TTLL5: variants seen among roughly 807,000 people sequenced by gnomAD.
TTLL5 encodes the protein tubulin polyglutamylase TTLL5.
TTLL5 carries 132 observed loss-of-function variants against 168.4 expected under a neutral mutation model. The observed-to-expected ratio is 0.78, with a 90% CI of 0.68 to 0.91. TTLL5 has a LOEUF of 0.91. Among genes scored for constraint, TTLL5 ranks in the 40% least tolerant of loss-of-function variants. TTLL5 has a pLI of 0.00. For missense variants in TTLL5, 1,545 were observed against 1,581.5 expected (o/e 0.98, Z 0.39); for synonymous variants, 546 against 558.6 (o/e 0.98, Z 0.32).
chr14:75,667,470 G>T (rs937950699), intron 2 of TTLL5, among the ~76,000 whole-genome samples: 6 of 152,178 alleles, frequency 3.9e-5, no homozygotes, highest in Non-Finnish European at 8.8e-5. Context: ...TTTTACAGGT[G>T]TTAAAGATGA....
rs1890962878 is a variant in TTLL5 at position 75,766,150 on chromosome 14, A to G, written c.1797A>G (p.Glu599=). Residue 599 remains glutamate (E), a synonymous_variant, in exon 20 of 32, where the codon GAA becomes GAG. Transcript: ENST00000298832. ...EEVALDNEDE[E]QEASQEESAG... ...TCGCATTAGATAATGAAGATGAAGA[A>G]CAGGAGGCTTCCCAGGAGGAGTCTG... 1 of 1,613,976 alleles carries G rather than the reference A, an allele frequency of 6.2e-7. No homozygotes were observed. The highest frequency in any genetic ancestry group is 8.5e-7 in the Non-Finnish European group (1 of 1,180,008).
intron 9 of TTLL5, chr14:75,709,105 A>C: frequency 1.4e-6 from 1 of 706,786 alleles, no homozygotes. Context: ...ATAGCAGTTT[A>C]GGAGGTGATT....
chr14:75,889,882 AGGGAGGAG>A (rs2032312638), intron 30 of TTLL5, among the ~76,000 whole-genome samples: 1 of 105,364 alleles, frequency 9.5e-6, no homozygotes, highest in Non-Finnish European at 1.8e-5. Context: ...GGAGGGAGGG[AGGGAGGAG>A]GTCAGGCAAA....
At chr14:75,705,893 T>G (rs1264453204) in intron 7 of TTLL5, among the ~76,000 whole-genome samples, 2 of 152,176 alleles carry the variant, frequency 1.3e-5, no homozygotes, top group Non-Finnish European at 2.9e-5. Context: ...TCTTGCTGTT[T>G]CCTTAATCTA....
intron 31 of TTLL5, among the ~76,000 whole-genome samples, chr14:75,915,121 A>G (rs1016843546): frequency 3.3e-5 from 5 of 151,920 alleles, no homozygotes; most frequent in African/African-American, 9.7e-5. Context: ...CCTCTACATC[A>G]CCTAACTAAC....
chr14:75,805,332 A>T (rs1893586339), intron 27 of TTLL5, among the ~76,000 whole-genome samples: 1 of 152,202 alleles, frequency 6.6e-6, no homozygotes, highest in African/African-American at 2.4e-5. Context: ...TTTCAGAGCC[A>T]CTGGCATATA....
intron 27 of TTLL5, among the ~76,000 whole-genome samples, chr14:75,809,287 C>T (rs1346296124): frequency 6.6e-6 from 1 of 152,126 alleles, no homozygotes; most frequent in African/African-American, 2.4e-5. Context: ...TTAAGATCCC[C>T]TGAAAGTGTT....
intron 6 of TTLL5, among the ~76,000 whole-genome samples, chr14:75,695,090 T>C (rs1885744650): frequency 6.6e-6 from 1 of 152,224 alleles, no homozygotes. Flanking sequence ...CATATTTCTC[T>C]TCTTACAAAA....
intron 27 of TTLL5, among the ~76,000 whole-genome samples, chr14:75,805,296 A>G (rs924978466): frequency 6.6e-6 from 1 of 152,208 alleles, no homozygotes; most frequent in African/African-American, 2.4e-5. Flanking sequence ...CTCTCCCTGA[A>G]AACTAGATTC....
At chr14:75,904,222 GAA>G in intron 31 of TTLL5, 3 of 1,170,904 alleles carry the variant, frequency 2.6e-6, no homozygotes, top group Non-Finnish European at 3.2e-6. Flanking sequence ...AAAAAGGAAA[GAA>G]AAAAAGAATT....
At chr14:75,711,947 C>G (rs533519222) in intron 9 of TTLL5, 1 of 152,464 alleles carries the variant, frequency 6.6e-6, no homozygotes, top group African/African-American at 2.4e-5. Flanking sequence ...GCCACAGCAG[C>G]AAGTAGGGGG....
chr14:75,704,329 A>C (rs1351433767), intron 7 of TTLL5, among the ~76,000 whole-genome samples: 1 of 152,200 alleles, frequency 6.6e-6, no homozygotes, highest in Non-Finnish European at 1.5e-5. Context: ...ACTTGAGGCC[A>C]GGAGTTTGAG....
rs116806455 is a variant in TTLL5 at position 75,764,297 on chromosome 14, A to G, written c.1551-318A>G. 7.3e-3 allele frequency among the ~76,000 whole-genome samples: 1,116 copies of G among 152,328 alleles called. 10 individuals are homozygous for G. The highest frequency in any genetic ancestry group is 0.014 in the Middle Eastern group (4 of 294). ...AAGATATTGTCGTTTTTAAGGTATA[A>G]AGTATTTTAAGGTATAAGGTGTTGG... On this transcript the variant is annotated intron_variant, in intron 18 of 31. Coordinates refer to ENST00000298832, the MANE Select transcript of TTLL5 (RefSeq NM_015072.5).
At chr14:75,864,320 A>G (rs754043586) in intron 29 of TTLL5, among the ~76,000 whole-genome samples, 1 of 152,178 alleles carries the variant, frequency 6.6e-6, no homozygotes, top group African/African-American at 2.4e-5. Context: ...ATAAGTTGCA[A>G]GTTCTTCTGG....
intron 1 of TTLL5, among the ~76,000 whole-genome samples, chr14:75,662,668 T>G (rs992061141): frequency 6.6e-6 from 1 of 152,138 alleles, no homozygotes; most frequent in Admixed American, 6.5e-5. Context: ...GAGTTTTTAT[T>G]TATTTATTTT....
At chr14:75,775,411 C>G (rs1461678052) in intron 21 of TTLL5, 73 bp from the exon 22 acceptor site, 3 of 1,514,644 alleles carry the variant, frequency 2.0e-6, no homozygotes, top group African/African-American at 1.4e-5. Flanking sequence ...TTATATAATG[C>G]CTTCATAGCT....
At chr14:75,891,134 A>G (rs765522291) in intron 30 of TTLL5, among the ~76,000 whole-genome samples, 1 of 152,162 alleles carries the variant, frequency 6.6e-6, no homozygotes, top group Non-Finnish European at 1.5e-5. Context: ...TGCCTTCTTC[A>G]TACTCTATCA....
intron 24 of TTLL5, among the ~76,000 whole-genome samples, chr14:75,782,059 C>T (rs894587875): frequency 1.3e-5 from 2 of 151,514 alleles, no homozygotes; most frequent in Admixed American, 6.6e-5. Flanking sequence ...CTTGCTGTCT[C>T]GGGGTAGCTT....
intron 3 of TTLL5, among the ~76,000 whole-genome samples, chr14:75,678,332 C>T (rs1227702567): frequency 6.6e-6 from 1 of 152,210 alleles, no homozygotes; most frequent in Non-Finnish European, 1.5e-5. Flanking sequence ...TAAAATATTG[C>T]ATGCCCTAAT....
Sources: gnomAD v4.1 joint callset for allele counts (sites outside exome capture counted in the v4.1 genomes callset) on GRCh38, gnomAD v4.1.1 for gene constraint, MANE v1.5 for transcripts, NCBI Gene and HGNC (gene_info 2026-07-23, HGNC 2026-07-21) for gene names.